The following NAALADL2 variants were observed in gnomAD, a reference collection of about 807,000 sequenced individuals.
The protein encoded by NAALADL2 is N-acetylated alpha-linked acidic dipeptidase like 2, also known as inactive N-acetylated-alpha-linked acidic dipeptidase-like protein 2.
A neutral mutation model predicts 87.2 loss-of-function variants in NAALADL2; 76 were observed. The ratio of observed to expected loss-of-function variants is 0.87; its 90% confidence interval spans 0.72 to 1.05. The LOEUF (loss-of-function observed/expected upper bound fraction) is 1.05. Ranked by LOEUF, NAALADL2 falls within the 50% of genes least tolerant of loss-of-function variation. The probability of loss-of-function intolerance (pLI) is 0.00; values close to 1 mark genes in which losing one functional copy is unlikely to be tolerated. For synonymous variants in NAALADL2, 354 were observed against 331.0 expected (o/e 1.07, Z -0.75); for missense variants, 1,089 against 945.8 (o/e 1.15, Z -1.99).
intron 1 of NAALADL2, among the ~76,000 whole-genome samples, chr3:174,534,997 C>A (rs892532548): frequency 6.6e-6 from 1 of 152,122 alleles, no homozygotes; most frequent in African/African-American, 2.4e-5. Flanking sequence ...TAAACACATC[C>A]TTCTGGTAAT....
intron 1 of NAALADL2, among the ~76,000 whole-genome samples, chr3:174,971,205 G>A (rs1743592803): frequency 6.6e-6 from 1 of 152,146 alleles, no homozygotes; most frequent in Non-Finnish European, 1.5e-5. Flanking sequence ...GGGAATTCTG[G>A]GAGATACAAT....
chr3:175,507,402 T>C (rs1182588343), intron 9 of NAALADL2, among the ~76,000 whole-genome samples: 2 of 152,290 alleles, frequency 1.3e-5, no homozygotes, highest in African/African-American at 4.8e-5. Flanking sequence ...ATCTTTCTTA[T>C]TATTTTGATT....
intron 2 of NAALADL2, among the ~76,000 whole-genome samples, chr3:175,197,262 C>T (rs1056389907): frequency 6.6e-6 from 1 of 151,774 alleles, no homozygotes; most frequent in South Asian, 2.1e-4. Flanking sequence ...TGAATAAGCC[C>T]GCGTAGAGTC....
intron 9 of NAALADL2, among the ~76,000 whole-genome samples, chr3:175,514,892 C>T (rs1731632882): frequency 6.6e-6 from 1 of 152,154 alleles, no homozygotes; most frequent in African/African-American, 2.4e-5. Flanking sequence ...GCAGATTCTG[C>T]CTGAGTGTCT....
chr3:175,599,862 T>C (rs1722725120), intron 10 of NAALADL2, among the ~76,000 whole-genome samples: 1 of 152,146 alleles, frequency 6.6e-6, no homozygotes, highest in African/African-American at 2.4e-5. Flanking sequence ...TCATTTAATA[T>C]TATGTGAATA....
chr3:174,872,686 T>G (rs529754228), intron 1 of NAALADL2, among the ~76,000 whole-genome samples: 1 of 152,016 alleles, frequency 6.6e-6, no homozygotes, highest in Non-Finnish European at 1.5e-5. Context: ...AATATTACAC[T>G]GTAATGTGAA....
rs114458838 is a variant in NAALADL2 at position 175,532,550 on chromosome 3, A to T, written c.1654-43491A>T. Among the ~76,000 whole-genome samples, 43 of 152,326 alleles carry T rather than the reference A, an allele frequency of 2.8e-4. 1 individual carries two copies. In the South Asian group the frequency reaches 8.5e-3, roughly 30 times the overall value. ...CATTCGACCTAGAAGTTTTCTGCTTACATATATTAAGTAGGAATGCAGTAG... is the reference window on the plus strand; with the variant it reads ...CATTCGACCTAGAAGTTTTCTGCTTTCATATATTAAGTAGGAATGCAGTAG... On this transcript the variant is annotated intron_variant, in intron 9 of 13. Transcript: ENST00000454872.
chr3:175,135,719 C>T (rs73883365), intron 2 of NAALADL2, among the ~76,000 whole-genome samples: 2 of 152,020 alleles, frequency 1.3e-5, no homozygotes, highest in Non-Finnish European at 2.9e-5. Context: ...TGAATAGTAA[C>T]TGGAGGATAG....
chr3:174,908,373 C>T (rs1434759366), intron 1 of NAALADL2, among the ~76,000 whole-genome samples: 2 of 151,954 alleles, frequency 1.3e-5, no homozygotes, highest in Non-Finnish European at 2.9e-5. Context: ...TCAAGCACGC[C>T]AGATGGAAAG....
At chr3:174,926,126 A>G (rs1488868636) in intron 1 of NAALADL2, among the ~76,000 whole-genome samples, 1 of 152,196 alleles carries the variant, frequency 6.6e-6, no homozygotes, top group Non-Finnish European at 1.5e-5. Context: ...GATCAAATGA[A>G]TGAAATGAAG....
At chr3:175,407,676 G>A (rs1712652547) in intron 5 of NAALADL2, among the ~76,000 whole-genome samples, 1 of 152,212 alleles carries the variant, frequency 6.6e-6, no homozygotes, top group Non-Finnish European at 1.5e-5. Context: ...GCTTCGGACT[G>A]CAGTAGTCAC....
intron 2 of NAALADL2, among the ~76,000 whole-genome samples, chr3:175,166,039 ATT>A (rs10576101): frequency 0.1 from 14,838 of 145,252 alleles, 819 homozygotes; most frequent in Admixed American, 0.15. Context: ...GGGACTCCAT[ATT>A]TTTTTTTTTT....
At chr3:175,407,345 T>C (rs1712599759) in intron 5 of NAALADL2, among the ~76,000 whole-genome samples, 4 of 152,200 alleles carry the variant, frequency 2.6e-5, no homozygotes, top group Admixed American at 2.6e-4. Context: ...TTAGCACGTA[T>C]CAGACATTCA....
chr3:174,487,596 G>A (rs1717932045), intron 1 of NAALADL2, among the ~76,000 whole-genome samples: 1 of 151,916 alleles, frequency 6.6e-6, no homozygotes, highest in Non-Finnish European at 1.5e-5. Context: ...AGTGGCATTT[G>A]ATATGGATTG....
At chr3:174,882,550 T>TGCTTATAC (rs1729379321) in intron 1 of NAALADL2, among the ~76,000 whole-genome samples, 1 of 143,946 alleles carries the variant, frequency 6.9e-6, no homozygotes, top group African/African-American at 2.8e-5. Flanking sequence ...CACACATATG[T>TGCTTATAC]ACATATGTGT....
intron 1 of NAALADL2, among the ~76,000 whole-genome samples, chr3:174,979,332 G>A (rs1220287153): frequency 7.8e-6 from 1 of 127,856 alleles, no homozygotes; most frequent in Non-Finnish European, 1.6e-5. Context: ...TTGAGACGGA[G>A]TCTCGCTCTG....
At chr3:175,692,302 G>C (rs1366125715) in intron 11 of NAALADL2, among the ~76,000 whole-genome samples, 1 of 151,936 alleles carries the variant, frequency 6.6e-6, no homozygotes, top group African/African-American at 2.4e-5. Context: ...GAATGATATA[G>C]AGCTTGGATC....
chr3:175,169,252 T>C lies in NAALADL2; in HGVS notation c.546-64679T>C, dbSNP rs572578246. Among the ~76,000 whole-genome samples, 3 of 151,826 alleles carry C rather than the reference T, an allele frequency of 2.0e-5. No homozygotes were observed. In the South Asian group the frequency reaches 6.2e-4, roughly 31 times the overall value. Reference sequence around the variant, plus strand: ...TTGTCATCAGTTTACTAAATACTTTTGGATTAGTTATACCAATATTTTTCT... The same window carrying C: ...TTGTCATCAGTTTACTAAATACTTTCGGATTAGTTATACCAATATTTTTCT... On this transcript the variant is annotated intron_variant, in intron 2 of 13. Coordinates refer to ENST00000454872, the MANE Select transcript of NAALADL2 (RefSeq NM_207015.3).
chr3:174,526,804 G>T, intron 1 of NAALADL2, among the ~76,000 whole-genome samples: 1 of 151,702 alleles, frequency 6.6e-6, no homozygotes, highest in Non-Finnish European at 1.5e-5. Flanking sequence ...AACCTCCCGA[G>T]TAACTGGGAT....
Sources: gnomAD v4.1 joint callset for allele counts (sites outside exome capture counted in the v4.1 genomes callset) on GRCh38, gnomAD v4.1.1 for gene constraint, MANE v1.5 for transcripts, NCBI Gene and HGNC (gene_info 2026-07-23, HGNC 2026-07-21) for gene names.